Variants in THSD7B observed in about 807,000 individuals in gnomAD.
THSD7B encodes the protein thrombospondin type 1 domain containing 7B, also known as thrombospondin type-1 domain-containing protein 7B.
THSD7B carries 138 observed loss-of-function variants against 213.6 expected under a neutral mutation model. The observed-to-expected ratio is 0.65, with a 90% CI of 0.56 to 0.74. THSD7B has a LOEUF of 0.74. Ranked by LOEUF, THSD7B falls within the 30% of genes least tolerant of loss-of-function variation. The pLI, the probability that THSD7B is intolerant of heterozygous loss-of-function variation, is 0.00. For synonymous variants in THSD7B, 742 were observed against 687.0 expected (o/e 1.08, Z -1.25); for missense variants, 1,931 against 1,991.5 (o/e 0.97, Z 0.58).
chr2:136,995,797 T>A (rs930981792), intron 2 of THSD7B, among the ~76,000 whole-genome samples: 1 of 152,166 alleles, frequency 6.6e-6, no homozygotes, highest in Non-Finnish European at 1.5e-5. Context: ...GAGAAAAGCT[T>A]GTCGAAGGTA....
chr2:136,971,729 CA>C (rs1480696884), intron 2 of THSD7B, among the ~76,000 whole-genome samples: 1 of 149,842 alleles, frequency 6.7e-6, no homozygotes, highest in East Asian at 2.0e-4. Context: ...TTACATTGGA[CA>C]ATGGAAAAAG....
At chr2:137,575,725 C>CACACACATATATATATATATAT (rs59620213) in intron 17 of THSD7B, among the ~76,000 whole-genome samples, 1 of 110,816 alleles carries the variant, frequency 9.0e-6, no homozygotes, top group South Asian at 4.1e-4. Context: ...CCATAACACA[C>CACACACATATATATATATATAT]ATATATATAT....
At chr2:137,458,434 A>G (rs1035085356) in intron 15 of THSD7B, among the ~76,000 whole-genome samples, 12 of 152,150 alleles carry the variant, frequency 7.9e-5, no homozygotes, top group Admixed American at 1.3e-4. Flanking sequence ...GTACTGATAA[A>G]GCCATGTTTC....
At chr2:137,203,258 A>G (rs1300040086) in intron 7 of THSD7B, among the ~76,000 whole-genome samples, 1 of 152,136 alleles carries the variant, frequency 6.6e-6, no homozygotes, top group Admixed American at 6.6e-5. Context: ...GAATAAAATG[A>G]GAACTCTTAT....
At chr2:136,789,904 G>A in intron 1 of THSD7B, among the ~76,000 whole-genome samples, 1 of 152,152 alleles carries the variant, frequency 6.6e-6, no homozygotes. Context: ...CTCATTGCAT[G>A]AGCAAAGGAC....
At chr2:137,074,074 G>A (rs2104895592) in intron 3 of THSD7B, among the ~76,000 whole-genome samples, 1 of 151,690 alleles carries the variant, frequency 6.6e-6, no homozygotes, top group Non-Finnish European at 1.5e-5. Flanking sequence ...GATTTGGGGT[G>A]GAGAGTTTTG....
intron 9 of THSD7B, among the ~76,000 whole-genome samples, chr2:137,233,534 C>T (rs1179385291): frequency 1.3e-5 from 2 of 152,188 alleles, no homozygotes; most frequent in Admixed American, 1.3e-4. Context: ...TTAGACTCCA[C>T]AGATCTCTCC....
At chr2:137,347,671 C>T (rs1449495247) in intron 12 of THSD7B, among the ~76,000 whole-genome samples, 3 of 149,952 alleles carry the variant, frequency 2.0e-5, no homozygotes, top group African/African-American at 4.9e-5. Context: ...TGAATTTGGG[C>T]GGATCTCGTT....
chr2:137,633,992 T>A (rs969069836), intron 20 of THSD7B, among the ~76,000 whole-genome samples: 3 of 152,182 alleles, frequency 2.0e-5, no homozygotes, highest in African/African-American at 7.2e-5. Flanking sequence ...TTCCTTTGCT[T>A]CTTTTTCACT....
chr2:136,804,403 A>AC (rs374612113), intron 1 of THSD7B, among the ~76,000 whole-genome samples: 2 of 148,096 alleles, frequency 1.4e-5, no homozygotes, highest in African/African-American at 5.0e-5. Flanking sequence ...ACACACACAT[A>AC]ACACACACAC....
At chr2:136,952,141 AC>A (rs1287681626) in intron 2 of THSD7B, among the ~76,000 whole-genome samples, 2 of 152,174 alleles carry the variant, frequency 1.3e-5, no homozygotes, top group East Asian at 3.9e-4. Flanking sequence ...TGCTGGGATT[AC>A]AGGCATGAGC....
intron 9 of THSD7B, among the ~76,000 whole-genome samples, chr2:137,239,205 CT>C (rs1422367553): frequency 6.6e-6 from 1 of 152,106 alleles, no homozygotes; most frequent in Non-Finnish European, 1.5e-5. Flanking sequence ...TCTATACACC[CT>C]TCACTCGGCT....
chr2:137,624,342 G>T (rs986839781), intron 20 of THSD7B, among the ~76,000 whole-genome samples: 2 of 152,166 alleles, frequency 1.3e-5, no homozygotes, highest in African/African-American at 2.4e-5. Flanking sequence ...ATGGATTAAA[G>T]ACTTAAATGT....
chr2:137,674,596 T>C (rs894795605), intron 27 of THSD7B, among the ~76,000 whole-genome samples: 2 of 152,212 alleles, frequency 1.3e-5, no homozygotes, highest in Admixed American at 1.3e-4. Context: ...ATACTTAGTA[T>C]AGATAAAGTT....
chr2:136,831,386 G>T (rs997157014), intron 1 of THSD7B, among the ~76,000 whole-genome samples: 20 of 152,050 alleles, frequency 1.3e-4, no homozygotes, highest in Admixed American at 3.9e-4. Flanking sequence ...GAGAAAACAG[G>T]ATAAATGATC....
intron 17 of THSD7B, among the ~76,000 whole-genome samples, chr2:137,612,510 T>G (rs1389671407): frequency 2.0e-5 from 3 of 152,190 alleles, no homozygotes; most frequent in African/African-American, 7.2e-5. Flanking sequence ...CTCAGTAACA[T>G]GGTCACTTAA....
At chr2:137,271,501 T>C (rs1387072181) in intron 10 of THSD7B, among the ~76,000 whole-genome samples, 1 of 147,148 alleles carries the variant, frequency 6.8e-6, no homozygotes, top group South Asian at 2.1e-4. Context: ...ATATTATTCA[T>C]TCATATATAT....
chr2:136,837,274 C>T (rs919482270), intron 1 of THSD7B, among the ~76,000 whole-genome samples: 3 of 152,216 alleles, frequency 2.0e-5, no homozygotes, highest in Admixed American at 6.6e-5. Context: ...CTGGCCATTG[C>T]CTGTGGCTCT....
At chr2:137,151,528 A>T (rs1435526868) in intron 5 of THSD7B, among the ~76,000 whole-genome samples, 1 of 13,620 alleles carries the variant, frequency 7.3e-5, no homozygotes, top group East Asian at 1.2e-3. Context: ...TAAAAGTATA[A>T]AAAAAAAAAA....
Sources: gnomAD v4.1 joint callset for allele counts (sites outside exome capture counted in the v4.1 genomes callset) on GRCh38, gnomAD v4.1.1 for gene constraint, MANE v1.5 for transcripts, NCBI Gene and HGNC (gene_info 2026-07-23, HGNC 2026-07-21) for gene names.